ADAM22: variants seen among roughly 807,000 people sequenced by gnomAD.
ADAM22 encodes the protein disintegrin and metalloproteinase domain-containing protein 22.
In ADAM22, 65 loss-of-function variants were observed where a neutral mutation model predicts 144.6. The observed-to-expected ratio is 0.45, with a 90% CI of 0.37 to 0.55. ADAM22 has a LOEUF of 0.55. Ranked by LOEUF, ADAM22 falls within the 20% of genes least tolerant of loss-of-function variation. ADAM22 has a pLI of 0.00. For missense variants in ADAM22, 974 were observed against 1,184.9 expected (o/e 0.82, Z 2.61); for synonymous variants, 391 against 412.6 (o/e 0.95, Z 0.63).
At chr7:88,023,999 C>A (rs977052543) in intron 3 of ADAM22, among the ~76,000 whole-genome samples, 1 of 152,048 alleles carries the variant, frequency 6.6e-6, no homozygotes, top group African/African-American at 2.4e-5. Flanking sequence ...CAGTTTCATC[C>A]ACGTTATTGC....
At chr7:88,015,817 G>T (rs564227074) in intron 3 of ADAM22, among the ~76,000 whole-genome samples, 1 of 152,262 alleles carries the variant, frequency 6.6e-6, no homozygotes, top group South Asian at 2.1e-4. Context: ...TTTGTGGGGA[G>T]CAGAGGCATT....
intron 3 of ADAM22, among the ~76,000 whole-genome samples, chr7:88,055,937 T>C (rs770400704): frequency 1.3e-5 from 2 of 152,206 alleles, no homozygotes; most frequent in Non-Finnish European, 2.9e-5. Context: ...TGCTTGTTAT[T>C]TTGGATTGCC....
chr7:88,072,096 A>G (rs536417919), intron 3 of ADAM22, among the ~76,000 whole-genome samples: 66 of 152,334 alleles, frequency 4.3e-4, no homozygotes, highest in Admixed American at 2.5e-3. Context: ...AAGGATTCTC[A>G]CCCTAATCAT....
At chr7:88,132,631 T>A (rs1832089563) in intron 11 of ADAM22, 1 of 380,702 alleles carries the variant, frequency 2.6e-6, no homozygotes. Flanking sequence ...AACCAATTAT[T>A]TTTTAATAGA....
At chr7:88,109,870 G>A (rs535802035) in intron 5 of ADAM22, among the ~76,000 whole-genome samples, 1 of 152,244 alleles carries the variant, frequency 6.6e-6, no homozygotes, top group South Asian at 2.1e-4. Context: ...CCAAGGGAGA[G>A]GGTTACACTG....
At chr7:88,080,784 C>A (rs905160273) in intron 4 of ADAM22, among the ~76,000 whole-genome samples, 2 of 152,146 alleles carry the variant, frequency 1.3e-5, no homozygotes, top group African/African-American at 4.8e-5. Flanking sequence ...TACACTCTCC[C>A]AAGACTAAAC....
At chr7:87,992,033 T>TC (rs1790029456) in intron 3 of ADAM22, among the ~76,000 whole-genome samples, 1 of 152,194 alleles carries the variant, frequency 6.6e-6, no homozygotes, top group African/African-American at 2.4e-5. Context: ...CTCTCTGTGT[T>TC]CAAGCCACTC....
At chr7:88,192,228 G>A (rs1165183942) in intron 30 of ADAM22, among the ~76,000 whole-genome samples, 1 of 152,200 alleles carries the variant, frequency 6.6e-6, no homozygotes, top group African/African-American at 2.4e-5. Context: ...ATGGATTAAG[G>A]AGCAGTGGAT....
intron 6 of ADAM22, among the ~76,000 whole-genome samples, 192 bp downstream of exon 6, chr7:88,114,839 T>A (rs1827353534): frequency 6.6e-6 from 1 of 152,214 alleles, no homozygotes; most frequent in Non-Finnish European, 1.5e-5. Flanking sequence ...TAAAATATTA[T>A]AAGTAAAAAA....
Position 88,168,225 on chromosome 7 carries a change from T to C in ADAM22, c.2280T>C (p.Tyr760=), listed in dbSNP as rs939683415. ...TATTAGGAATAACTGCGTGGGGTTA[T>C]AAGTAAGTGAAATGTCTCAGTCTTG... ...ALILGITAWG[Y]KNYREQRQLP... Residue 760 remains tyrosine (Y), a splice_region_variant and synonymous_variant, in exon 25 of 32, where the codon TAT becomes TAC. Transcript: ENST00000413139. 2.2e-5 allele frequency: 35 copies of C among 1,612,144 alleles called. No homozygotes were observed. The African/African-American group carries it at 3.5e-4, about 16-fold the overall frequency.
chr7:88,179,772 TGAAAA>T (rs1011575947), intron 27 of ADAM22, among the ~76,000 whole-genome samples: 14 of 152,074 alleles, frequency 9.2e-5, no homozygotes, highest in African/African-American at 1.9e-4. Context: ...ATAAAATAAA[TGAAAA>T]GAAGAAATAA....
intron 4 of ADAM22, among the ~76,000 whole-genome samples, chr7:88,097,571 C>A (rs1405362824): frequency 6.7e-6 from 1 of 149,758 alleles, no homozygotes; most frequent in Non-Finnish European, 1.5e-5. Flanking sequence ...GGAGAAAAAA[C>A]GATTTCCTTT....
chr7:87,972,112 G>A (rs540557749), intron 2 of ADAM22, among the ~76,000 whole-genome samples: 2 of 152,216 alleles, frequency 1.3e-5, no homozygotes, highest in African/African-American at 4.8e-5. Context: ...GAAATAAAGG[G>A]TATTCAATTA....
chr7:88,106,161 A>G (rs900675432), intron 4 of ADAM22, among the ~76,000 whole-genome samples: 2 of 151,836 alleles, frequency 1.3e-5, no homozygotes, highest in South Asian at 4.2e-4. Context: ...AGCCCCCAAG[A>G]CTCTGTGGCC....
chr7:87,942,438 T>C (rs762063188), intron 2 of ADAM22, among the ~76,000 whole-genome samples: 6 of 152,188 alleles, frequency 3.9e-5, no homozygotes, highest in Non-Finnish European at 7.3e-5. Context: ...GCACTGCCTA[T>C]GTGCTTAACT....
chr7:88,050,929 T>C (rs565586153), intron 3 of ADAM22, among the ~76,000 whole-genome samples: 2 of 152,370 alleles, frequency 1.3e-5, no homozygotes, highest in East Asian at 3.9e-4. Flanking sequence ...CATGAAGTCC[T>C]TGACCATGCC....
In ADAM22 at chr7:88,100,262, C is replaced by G. The variant is rs142595727; in HGVS notation, c.391-7914C>G. Among the ~76,000 whole-genome samples, 148 of 152,024 alleles carry G rather than the reference C, an allele frequency of 9.7e-4. 2 individuals are homozygous for G. Among genetic ancestry groups the G allele is most frequent in the African/African-American group, 3.4e-3 (142 of 41,506 alleles). On this transcript the variant is annotated intron_variant, in intron 4 of 31. Transcript: ENST00000413139. Reference sequence around the variant, plus strand: ...AAACATAGAACAAATGACAGTTTTTCAAAAATTAAATACATTTAGCTTTAT... The same window carrying G: ...AAACATAGAACAAATGACAGTTTTTGAAAAATTAAATACATTTAGCTTTAT...
intron 2 of ADAM22, among the ~76,000 whole-genome samples, chr7:87,968,732 A>G (rs535957674): frequency 1.7e-4 from 26 of 152,280 alleles, no homozygotes; most frequent in Non-Finnish European, 3.1e-4. Context: ...TAAGGGGGAA[A>G]AAGAAAAGCT....
intron 3 of ADAM22, among the ~76,000 whole-genome samples, chr7:88,001,600 G>A (rs547926585): frequency 6.6e-6 from 1 of 152,028 alleles, no homozygotes; most frequent in East Asian, 1.9e-4. Context: ...TAATTTTATA[G>A]GCCTGTGTTT....
Sources: gnomAD v4.1 joint callset for allele counts (sites outside exome capture counted in the v4.1 genomes callset) on GRCh38, gnomAD v4.1.1 for gene constraint, MANE v1.5 for transcripts, NCBI Gene and HGNC (gene_info 2026-07-23, HGNC 2026-07-21) for gene names.